MCMBP: variants seen among roughly 807,000 people sequenced by gnomAD.
MCMBP encodes the protein mini-chromosome maintenance complex-binding protein.
In MCMBP, 31 loss-of-function variants were observed where a neutral mutation model predicts 81.3. The observed-to-expected ratio is 0.38, with a 90% CI of 0.29 to 0.51. The LOEUF (loss-of-function observed/expected upper bound fraction) is 0.51. Among genes scored for constraint, MCMBP ranks in the 20% least tolerant of loss-of-function variants. The probability of loss-of-function intolerance (pLI) is 0.87; values close to 1 mark genes in which losing one functional copy is unlikely to be tolerated. For synonymous variants in MCMBP, 267 were observed against 275.9 expected, an observed-to-expected ratio of 0.97 and a Z score of 0.32; for missense variants, 645 against 772.1, an observed-to-expected ratio of 0.84 and a Z score of 1.95.
intron 12 of MCMBP, among the ~76,000 whole-genome samples, chr10:119,837,988 T>C (rs56155929): frequency 6.6e-6 from 1 of 151,774 alleles, no homozygotes; most frequent in African/African-American, 2.4e-5. Flanking sequence ...CTGGGCAACA[T>C]AGCGAGACCC....
intron 1 of MCMBP, among the ~76,000 whole-genome samples, chr10:119,867,699 T>C (rs958543108): frequency 1.3e-5 from 2 of 152,228 alleles, no homozygotes; most frequent in African/African-American, 4.8e-5. Context: ...GAGATTAATG[T>C]ATCCCAAGAG....
chr10:119,848,523 G>T (rs1852698980), intron 7 of MCMBP, among the ~76,000 whole-genome samples: 1 of 152,138 alleles, frequency 6.6e-6, no homozygotes, highest in South Asian at 2.1e-4. Context: ...TGAGGCACGA[G>T]AATTGCCTGA....
Position 119,843,442 on chromosome 10 carries a change from A to G in MCMBP, c.828-16T>C. 2.0e-5 allele frequency: 32 copies of G among 1,605,464 alleles called. No homozygotes were observed. Among genetic ancestry groups the G allele is most frequent in the Non-Finnish European group, 2.7e-5 (32 of 1,174,386 alleles). On this transcript the variant is annotated splice_polypyrimidine_tract_variant and intron_variant, in intron 8 of 15. Coordinates refer to ENST00000369077, the MANE Select transcript of MCMBP (RefSeq NM_001256378.2). ...AGAGGCATCCCTGTGGAGAGGTGAT[A>G]AAGTTTCAATTTAGAGAGACATCAA...
At chr10:119,831,635 A>G in intron 15 of MCMBP, 35 bp from the exon 16 acceptor site, 1 of 1,601,030 alleles carries the variant, frequency 6.2e-7, no homozygotes, top group East Asian at 2.2e-5. Flanking sequence ...TTAAGTCTAG[A>G]GCTGGGATAG....
At chr10:119,832,357 T>G (rs1195405344) in intron 14 of MCMBP, among the ~76,000 whole-genome samples, 1 of 151,236 alleles carries the variant, frequency 6.6e-6, no homozygotes, top group Non-Finnish European at 1.5e-5. Context: ...AAAGGAAGAG[T>G]GATGTTAGTG....
At chr10:119,834,676 A>ACG (rs1852172431) in intron 14 of MCMBP, among the ~76,000 whole-genome samples, 1 of 151,654 alleles carries the variant, frequency 6.6e-6, no homozygotes, top group African/African-American at 2.4e-5. Context: ...ACACACACAC[A>ACG]CCCAAACAAA....
chr10:119,847,666 T>A lies in MCMBP; in HGVS notation c.774A>T (p.Leu258=). Residue 258 remains leucine, a synonymous_variant, in exon 8 of 16, where the codon CTA becomes CTT. Coordinates refer to ENST00000369077, the MANE Select transcript of MCMBP (RefSeq NM_001256378.2). ...DCFKVNDILE[L]YGILSVDPVL... ...CAGGATCCACAGACAGTATGCCATA[T>A]AGCTCAAGAATGTCATTTACTTTGA... is the stretch of plus-strand genomic sequence containing the variant. The A allele has an allele frequency of 6.2e-7, 1 of 1,612,168 alleles. No individual in the cohort carries two copies. Among genetic ancestry groups the A allele is most frequent in the Non-Finnish European group, 8.5e-7 (1 of 1,179,150 alleles).
At chr10:119,871,862 A>G (rs573983721) in intron 1 of MCMBP, among the ~76,000 whole-genome samples, 1 of 152,160 alleles carries the variant, frequency 6.6e-6, no homozygotes, top group Non-Finnish European at 1.5e-5. Flanking sequence ...CGCAACCAAA[A>G]TTTACTAAGC....
intron 1 of MCMBP, among the ~76,000 whole-genome samples, chr10:119,865,846 C>T (rs768644702): frequency 3.1e-4 from 47 of 151,992 alleles, no homozygotes; most frequent in South Asian, 4.2e-4. Context: ...GAGGCCGAGG[C>T]GGGAGGGTCA....
chr10:119,832,821 C>T (rs1031927619), intron 14 of MCMBP, among the ~76,000 whole-genome samples: 1 of 152,324 alleles, frequency 6.6e-6, no homozygotes, highest in African/African-American at 2.4e-5. Context: ...CCTTAGCTAC[C>T]TGAGACACTG....
intron 13 of MCMBP, 122 bp from the exon 14 acceptor site, chr10:119,835,826 G>A (rs570862861): frequency 1.9e-6 from 2 of 1,049,712 alleles, no homozygotes; most frequent in South Asian, 1.5e-5. Flanking sequence ...ATTATTTAGG[G>A]GGAGGGAATA....
chr10:119,843,913 T>TGGC (rs1209872118), intron 8 of MCMBP, among the ~76,000 whole-genome samples: 2 of 152,046 alleles, frequency 1.3e-5, no homozygotes, highest in African/African-American at 4.8e-5. Context: ...CTGCCTGCCT[T>TGGC]GGCCTCTCAA....
intron 1 of MCMBP, among the ~76,000 whole-genome samples, chr10:119,862,800 T>C (rs1368680795): frequency 6.6e-6 from 1 of 152,230 alleles, no homozygotes; most frequent in East Asian, 1.9e-4. Flanking sequence ...ATCCAGCTGT[T>C]CCCATCCTTG....
intron 6 of MCMBP, among the ~76,000 whole-genome samples, chr10:119,851,981 C>T (rs573751088): frequency 1.8e-4 from 27 of 151,736 alleles, no homozygotes; most frequent in African/African-American, 4.6e-4. Context: ...GGAGAAACCC[C>T]GTCTCTACTA....
At chr10:119,840,315 T>C (rs1852390072) in intron 11 of MCMBP, among the ~76,000 whole-genome samples, 2 of 152,148 alleles carry the variant, frequency 1.3e-5, no homozygotes, top group Admixed American at 1.3e-4. Context: ...CCCTCTTCAA[T>C]TTCCAAAGAA....
chr10:119,857,643 C>T, intron 4 of MCMBP: 3 of 403,246 alleles, frequency 7.4e-6, no homozygotes, highest in Non-Finnish European at 1.3e-5. Flanking sequence ...ACACTTCCTC[C>T]CTCAAATCCA....
At chr10:119,868,400 TGGGCAACAGA>T (rs1329373543) in intron 1 of MCMBP, among the ~76,000 whole-genome samples, 1 of 152,198 alleles carries the variant, frequency 6.6e-6, no homozygotes, top group East Asian at 1.9e-4. Context: ...CACTCCACCC[TGGGCAACAGA>T]GCAAGACACT....
intron 8 of MCMBP, among the ~76,000 whole-genome samples, chr10:119,844,476 A>T (rs1426326179): frequency 6.6e-6 from 1 of 152,206 alleles, no homozygotes; most frequent in African/African-American, 2.4e-5. Flanking sequence ...ATCTACCCTT[A>T]TTTACAATGA....
Position 119,836,812 on chromosome 10 carries a change from T to C in MCMBP, c.1542+84A>G, listed in dbSNP as rs989516798. ...TTTTTTTTACAACAAATGTAACTTA[T>C]TAATAAGCGGTACCAAGAAACAGCA... On this transcript the variant is annotated intron_variant, in intron 13 of 15. Coordinates refer to ENST00000369077, the MANE Select transcript of MCMBP (RefSeq NM_001256378.2). The C allele has an allele frequency of 2.2e-4, 108 of 500,472 alleles. 3 individuals carry two copies. The highest frequency in any genetic ancestry group is 5.1e-4 in the Middle Eastern group (1 of 1,968). 31.0% of individuals were successfully genotyped at this position (500,472 alleles called of 1,614,324 possible). A position where few individuals can be genotyped will look rare whatever the true frequency, so the allele number is the denominator to read the frequency against.
Sources: gnomAD v4.1 joint callset for allele counts (sites outside exome capture counted in the v4.1 genomes callset) on GRCh38, gnomAD v4.1.1 for gene constraint, MANE v1.5 for transcripts, NCBI Gene and HGNC (gene_info 2026-07-23, HGNC 2026-07-21) for gene names.